WAC: variants seen among roughly 807,000 people sequenced by gnomAD.
The protein encoded by WAC is WW domain containing adaptor with coiled-coil.
Under a neutral mutation model 79.6 loss-of-function variants are expected in WAC, and 11 were observed. The ratio of observed to expected loss-of-function variants is 0.14; its 90% CI spans 0.09 to 0.23. The LOEUF (loss-of-function observed/expected upper bound fraction) is 0.23, where lower values mean the gene tolerates loss of function less well. Among genes scored for constraint, WAC ranks in the 10% least tolerant of loss-of-function variants. The pLI, the probability that WAC is intolerant of heterozygous loss-of-function variation, is 1.00. For synonymous variants in WAC, 304 were observed against 276.9 expected (o/e 1.10, Z -0.97); for missense variants, 728 against 773.5 (o/e 0.94, Z 0.70).
chr10:28,542,183 A>G (rs1202595603), intron 3 of WAC, among the ~76,000 whole-genome samples: 1 of 152,162 alleles, frequency 6.6e-6, no homozygotes, highest in Non-Finnish European at 1.5e-5. Flanking sequence ...CACTTCAGTA[A>G]TGTGTCTGCT....
intron 3 of WAC, among the ~76,000 whole-genome samples, chr10:28,574,855 C>T (rs1251708477): frequency 6.6e-6 from 1 of 151,976 alleles, no homozygotes; most frequent in East Asian, 1.9e-4. Context: ...ATTGGTTGGT[C>T]GGTGGTTTTT....
intron 3 of WAC, among the ~76,000 whole-genome samples, chr10:28,579,783 A>AG (rs529957101): frequency 3.0e-4 from 45 of 152,254 alleles, no homozygotes; most frequent in Admixed American, 5.9e-4. Context: ...AAAGTATGTA[A>AG]GGTAATATAA....
chr10:28,539,632 C>T (rs1836892282), intron 3 of WAC, among the ~76,000 whole-genome samples: 1 of 151,624 alleles, frequency 6.6e-6, no homozygotes, highest in African/African-American at 2.4e-5. Context: ...GATCCTGGCT[C>T]GCTGTAACCT....
At position 28,619,971 on chromosome 10, in the gene WAC, A is replaced by G. The variant is rs1477052142; in HGVS notation, c.*365A>G. ...AAAATTAGCTTTTTTAAAAAAAAAAAAAAAAAAATTGGGGGGGTTAATTTA... is the reference window on the plus strand; with the variant it reads ...AAAATTAGCTTTTTTAAAAAAAAAAGAAAAAAAATTGGGGGGGTTAATTTA... On this transcript the variant is annotated 3_prime_UTR_variant, in exon 14 of 14. Coordinates refer to ENST00000354911, the MANE Select transcript of WAC (RefSeq NM_016628.5). The G allele has an allele frequency of 1.3e-5, 2 of 157,128 alleles. No homozygotes were observed. The highest frequency in any genetic ancestry group is 4.8e-5 in the African/African-American group (2 of 41,612). The allele number at this position is 157,128 out of a possible 1,614,324, so 9.7% of individuals were successfully genotyped here.
At chr10:28,559,295 C>T (rs1838180452) in intron 3 of WAC, among the ~76,000 whole-genome samples, 1 of 151,962 alleles carries the variant, frequency 6.6e-6, no homozygotes, top group South Asian at 2.1e-4. Context: ...TTTTATGTAA[C>T]AATGAGGAAG....
chr10:28,557,758 T>A (rs899402027), intron 3 of WAC, among the ~76,000 whole-genome samples: 1 of 152,150 alleles, frequency 6.6e-6, no homozygotes, highest in Non-Finnish European at 1.5e-5. Context: ...TGTCTTTGGA[T>A]AGATTTTGAT....
intron 3 of WAC, 48 bp downstream of exon 3, chr10:28,535,805 C>T (rs1396543415): frequency 1.3e-6 from 2 of 1,488,840 alleles, no homozygotes; most frequent in Non-Finnish European, 1.8e-6. Context: ...TTAACAATAG[C>T]TCTATATAAA....
In WAC at chr10:28,566,021, TA is replaced by T. The variant is rs397804500; in HGVS notation, c.275-17369del. Among the ~76,000 whole-genome samples, 1,199 of 151,618 alleles carry T rather than the reference TA, an allele frequency of 7.9e-3. 15 individuals carry two copies. The highest frequency in any genetic ancestry group is 0.028 in the African/African-American group (1,139 of 41,386). On this transcript the variant is annotated intron_variant, in intron 3 of 13. Coordinates refer to ENST00000354911, the MANE Select transcript of WAC (RefSeq NM_016628.5). ...CATACTTATAGTACTGCCATTGTGT[TA>T]AAAAAAAATTAGAGTAAAATATAGT...
At chr10:28,539,360 T>A (rs1185716585) in intron 3 of WAC, among the ~76,000 whole-genome samples, 3 of 152,160 alleles carry the variant, frequency 2.0e-5, no homozygotes, top group African/African-American at 7.2e-5. Context: ...GCGTGTATAG[T>A]TTAGAGTTAG....
intron 3 of WAC, among the ~76,000 whole-genome samples, chr10:28,578,292 T>G (rs912150279): frequency 6.6e-6 from 1 of 152,226 alleles, no homozygotes; most frequent in Non-Finnish European, 1.5e-5. Flanking sequence ...CTATTTTTGC[T>G]TTTGTCTGAA....
chr10:28,611,206 G>A, intron 9 of WAC: 1 of 1,233,330 alleles, frequency 8.1e-7, no homozygotes, highest in Non-Finnish European at 1.1e-6. Flanking sequence ...GACGTTAGAT[G>A]TTTTTTGACT....
chr10:28,617,510 C>T (rs1343550652), intron 12 of WAC, 147 bp from the exon 13 acceptor site: 1 of 618,488 alleles, frequency 1.6e-6, no homozygotes, highest in Admixed American at 4.5e-5. Flanking sequence ...ATTAATTTTC[C>T]CCATTAGGTT....
chr10:28,619,787 C>T lies in WAC; in HGVS notation c.*181C>T, dbSNP rs1841626379. 1 of 490,364 alleles carries T rather than the reference C, an allele frequency of 2.0e-6. No homozygotes were observed. Among genetic ancestry groups the T allele is most frequent in the Non-Finnish European group, 3.6e-6 (1 of 279,816 alleles). 30.4% of individuals were successfully genotyped at this position (490,364 alleles called of 1,614,324 possible). A position where few individuals can be genotyped will look rare whatever the true frequency, so the allele number is the denominator to read the frequency against. On this transcript the variant is annotated 3_prime_UTR_variant, in exon 14 of 14. Coordinates refer to ENST00000354911, the MANE Select transcript of WAC (RefSeq NM_016628.5). ...AAGATACAAGATTGATTTGTAAAAC[C>T]CTTGAAATGTAGATTTCTTGTAGAT...
rs1342785840 is a variant in WAC, at chr10:28,535,676, C to T, written c.193C>T (p.Pro65Ser). 2 of 1,613,984 alleles carry T rather than the reference C, an allele frequency of 1.2e-6. No individual in the cohort carries two copies. The highest frequency in any genetic ancestry group is 1.6e-4 in the Middle Eastern group (1 of 6,062). The change falls in exon 3 of 14, where the codon CCT (proline) becomes TCT (serine). Residue 65 changes from proline to serine, a missense_variant. Physicochemically the swap from Pro to Ser is moderately conservative, Grantham distance 74. Transcript: ENST00000354911. The part of the protein sequence containing the change: ...PNKMLRRSDS[P>S]ENKYSDSTGH... Reference sequence around the variant, plus strand: ...TAAAATGTTGCGGAGATCTGATAGTCCTGAAAACAAATACAGTGACAGCAC... The same window carrying T: ...TAAAATGTTGCGGAGATCTGATAGTTCTGAAAACAAATACAGTGACAGCAC...
intron 10 of WAC, among the ~76,000 whole-genome samples, chr10:28,614,061 G>GA (rs1017036427): frequency 6.6e-6 from 1 of 151,658 alleles, no homozygotes; most frequent in Non-Finnish European, 1.5e-5. Context: ...AATCAGAAGA[G>GA]ATAATAATGT....
intron 12 of WAC, among the ~76,000 whole-genome samples, chr10:28,617,100 C>A (rs868653540): frequency 2.2e-4 from 34 of 151,872 alleles, no homozygotes; most frequent in African/African-American, 4.1e-4. Flanking sequence ...CAAAAAAAAA[C>A]CCCACTTAAT....
At chr10:28,603,573 T>C (rs1241735257) in intron 7 of WAC, among the ~76,000 whole-genome samples, 1 of 152,156 alleles carries the variant, frequency 6.6e-6, no homozygotes, top group African/African-American at 2.4e-5. Flanking sequence ...TTATTAAGCA[T>C]ATTAGCCTCA....
Position 28,589,743 on chromosome 10 carries a change from A to T in WAC, c.389A>T (p.Asp130Val). ...AAAAAATATATTTTTAAGCCTTATG[A>T]TTCTGCAGATGACTGGTCTGAGCAT... Reference protein sequence around the residue: ...NPSKTSDAPYDSADDWSEHIS... With the variant: ...NPSKTSDAPYVSADDWSEHIS... Residue 130 changes from aspartate (D) to valine (V), a missense_variant, in exon 5 of 14, where the codon GAT (aspartate) becomes GTT (valine). Around this residue, in one of 3 missense-constraint regions of WAC, gnomAD observed 648 missense variants for 661.5 expected, o/e 0.98. Transcript: ENST00000354911. 1 of 1,598,738 alleles carries T rather than the reference A, an allele frequency of 6.3e-7. No homozygotes were observed. Among genetic ancestry groups the T allele is most frequent in the South Asian group, 1.1e-5 (1 of 88,694 alleles).
At chr10:28,571,241 A>G (rs896154456) in intron 3 of WAC, among the ~76,000 whole-genome samples, 3 of 151,910 alleles carry the variant, frequency 2.0e-5, no homozygotes, top group Non-Finnish European at 4.4e-5. Context: ...TTAAATATAT[A>G]CTTTTCATGT....
Sources: gnomAD v4.1 joint callset for allele counts (sites outside exome capture counted in the v4.1 genomes callset) on GRCh38, gnomAD v4.1.1 for gene constraint, gnomAD v4.1.1 regional missense constraint, MANE v1.5 for transcripts, NCBI Gene and HGNC (gene_info 2026-07-23, HGNC 2026-07-21) for gene names.